JAKMIP2: variants seen among roughly 807,000 people sequenced by gnomAD.
JAKMIP2 encodes janus kinase and microtubule interacting protein 2.
Under a neutral mutation model 115.0 loss-of-function variants are expected in JAKMIP2, and 25 were observed. The ratio of observed to expected loss-of-function variants is 0.22; its 90% CI spans 0.16 to 0.30. JAKMIP2 has a LOEUF of 0.30. Ranked by LOEUF, JAKMIP2 falls within the 10% of genes least tolerant of loss-of-function variation. The pLI is 1.00. For synonymous variants in JAKMIP2, 334 were observed against 343.6 expected (o/e 0.97, Z 0.31); for missense variants, 642 against 957.6 (o/e 0.67, Z 4.35).
rs189836489 is a variant in JAKMIP2, at chr5:147,780,798, G to C, written c.-149+1658C>G. Among the ~76,000 whole-genome samples, 174 of 152,246 alleles carry C rather than the reference G, an allele frequency of 1.1e-3. 1 individual carries two copies. Among genetic ancestry groups the C allele is most frequent in the African/African-American group, 4.0e-3 (165 of 41,538 alleles). On this transcript the variant is annotated intron_variant, in intron 1 of 21. Coordinates refer to ENST00000616793, the MANE Select transcript of JAKMIP2 (RefSeq NM_001270941.2). ...AATGTGGGGGGTGTATGTAGAATCA[G>C]ATGCAAGACTAAAGACCCAAACAAT...
intron 1 of JAKMIP2, among the ~76,000 whole-genome samples, chr5:147,776,283 G>T (rs1052419011): frequency 6.6e-6 from 1 of 152,126 alleles, no homozygotes; most frequent in Non-Finnish European, 1.5e-5. Context: ...GGAGGTAATT[G>T]GACCTTGGGG....
chr5:147,719,837 A>G (rs1753187278), intron 1 of JAKMIP2, among the ~76,000 whole-genome samples: 1 of 152,002 alleles, frequency 6.6e-6, no homozygotes, highest in Admixed American at 6.5e-5. Context: ...TGGAGCATTT[A>G]GTCCATTTAC....
At chr5:147,739,435 A>G (rs1754057121) in intron 1 of JAKMIP2, among the ~76,000 whole-genome samples, 1 of 152,104 alleles carries the variant, frequency 6.6e-6, no homozygotes, top group Non-Finnish European at 1.5e-5. Flanking sequence ...CTTTATTCAT[A>G]AGAATCTAAG....
At chr5:147,683,180 T>C (rs964789098) in intron 1 of JAKMIP2, among the ~76,000 whole-genome samples, 1 of 152,098 alleles carries the variant, frequency 6.6e-6, no homozygotes, top group Admixed American at 6.6e-5. Context: ...TTGCTGTATA[T>C]GTGCACAGTT....
At chr5:147,608,964 A>AAAGTCGGTTTT (rs1756168625) in intron 20 of JAKMIP2, among the ~76,000 whole-genome samples, 1 of 150,520 alleles carries the variant, frequency 6.6e-6, no homozygotes, top group Non-Finnish European at 1.5e-5. Flanking sequence ...TTGTTGGTTT[A>AAAGTCGGTTTT]AAGTCGGTTT....
chr5:147,650,488 G>A lies in JAKMIP2; in HGVS notation c.687C>T (p.Thr229=). 1 of 1,613,802 alleles carries A rather than the reference G, an allele frequency of 6.2e-7. No homozygotes were observed. Among genetic ancestry groups the A allele is most frequent in the South Asian group, 1.1e-5 (1 of 91,058 alleles). ...GGAGTTTCTGTACATAGCCTGTCTG[G>A]GTCTCCAGTTCCTTTTCCAGGGAAA... ...IIFSLEKELE[T]QTGYVQKLQL... is the part of the protein sequence containing the mutation. Residue 229 remains threonine, a synonymous_variant, in exon 4 of 22, where the codon ACC becomes ACT. Coordinates refer to ENST00000616793, the MANE Select transcript of JAKMIP2 (RefSeq NM_001270941.2).
intron 1 of JAKMIP2, among the ~76,000 whole-genome samples, chr5:147,682,985 T>A (rs538826927): frequency 6.6e-6 from 1 of 152,314 alleles, no homozygotes; most frequent in African/African-American, 2.4e-5. Context: ...TCTTTAAGTG[T>A]CATATAGTCT....
intron 3 of JAKMIP2, among the ~76,000 whole-genome samples, chr5:147,658,058 G>C (rs1274828766): frequency 6.6e-6 from 1 of 152,032 alleles, no homozygotes; most frequent in East Asian, 1.9e-4. Flanking sequence ...CTGGACAGTT[G>C]TTGTGAACGT....
rs552794762 is a variant in JAKMIP2 at position 147,587,634 on chromosome 5, C to T, written c.*4073G>A. 11 of 152,186 alleles carry T rather than the reference C, an allele frequency of 7.2e-5. No individual in the cohort carries two copies. In the South Asian group the frequency reaches 8.3e-4, roughly 11 times the overall value. The allele number at this position is 152,186 out of a possible 1,614,324, so 9.4% of individuals were successfully genotyped here. ...CAAAAACCTAGGCAGGTTAAAAAGA[C>T]GTGCTTCATTTTGAAACAATGAACT... On this transcript the variant is annotated 3_prime_UTR_variant, in exon 22 of 22. Coordinates refer to ENST00000616793, the MANE Select transcript of JAKMIP2 (RefSeq NM_001270941.2).
At chr5:147,685,465 T>C (rs907227248) in intron 1 of JAKMIP2, among the ~76,000 whole-genome samples, 9 of 152,254 alleles carry the variant, frequency 5.9e-5, no homozygotes, top group South Asian at 2.1e-4. Flanking sequence ...AGAAGAAATA[T>C]AGATTGTGCA....
Position 147,644,166 on chromosome 5 carries a change from C to T in JAKMIP2, c.1116G>A (p.Lys372=), listed in dbSNP as rs2126726746. 6.3e-7 allele frequency: 1 copy of T among 1,599,184 alleles called. No homozygotes were observed. Among genetic ancestry groups the T allele is most frequent in the Non-Finnish European group, 8.6e-7 (1 of 1,169,446 alleles). The change falls in exon 7 of 22, where the codon AAG becomes AAA. Residue 372 remains lysine (K), a synonymous_variant. Transcript: ENST00000616793. ...REKITSHPPL[K]KLKSLNDLDQ... ...CGAGGTCATTCAGAGATTTTAATTT[C>T]TTCAGGGGTGGATGGGATGTTATTT... is the stretch of plus-strand genomic sequence containing the variant.
At chr5:147,669,825 G>GCT (rs1173510374) in intron 2 of JAKMIP2, among the ~76,000 whole-genome samples, 2 of 152,190 alleles carry the variant, frequency 1.3e-5, no homozygotes, top group African/African-American at 4.8e-5. Flanking sequence ...TGCCAGGGCT[G>GCT]CTTTACCGAA....
intron 1 of JAKMIP2, among the ~76,000 whole-genome samples, chr5:147,722,367 C>G (rs1191909562): frequency 6.6e-6 from 1 of 152,124 alleles, no homozygotes; most frequent in Non-Finnish European, 1.5e-5. Context: ...TTTTAACTCC[C>G]CTTCCCTACT....
intron 1 of JAKMIP2, among the ~76,000 whole-genome samples, chr5:147,729,422 G>A (rs1055601021): frequency 6.6e-6 from 1 of 152,138 alleles, no homozygotes; most frequent in African/African-American, 2.4e-5. Flanking sequence ...TAAGCCTTAT[G>A]TCTCTAAACC....
In JAKMIP2 at chr5:147,600,886, T is replaced by C. The variant is rs142810476; in HGVS notation, c.*20+855A>G. ...TCCTTTTTGTTTTCTATATTGACAT[T>C]GAAAAGTAACTTATTTGAAAACAAG... On this transcript the variant is annotated intron_variant, in intron 21 of 21. Coordinates refer to ENST00000616793, the MANE Select transcript of JAKMIP2 (RefSeq NM_001270941.2). Among the ~76,000 whole-genome samples, 681 of 152,272 alleles carry C rather than the reference T, an allele frequency of 4.5e-3. 2 individuals carry two copies. Among genetic ancestry groups the C allele is most frequent in the African/African-American group, 0.015 (630 of 41,556 alleles).
At chr5:147,592,637 T>C (rs1755153846) in intron 21 of JAKMIP2, among the ~76,000 whole-genome samples, 1 of 152,162 alleles carries the variant, frequency 6.6e-6, no homozygotes, top group South Asian at 2.1e-4. Flanking sequence ...ATAGAGAAAA[T>C]GGGATTTCTA....
chr5:147,746,772 CA>C (rs770915851), intron 1 of JAKMIP2, among the ~76,000 whole-genome samples: 24 of 152,096 alleles, frequency 1.6e-4, no homozygotes, highest in Non-Finnish European at 3.4e-4. Flanking sequence ...ATATATGTAA[CA>C]TTGGAAACAT....
At chr5:147,690,023 A>T (rs1395595569) in intron 1 of JAKMIP2, among the ~76,000 whole-genome samples, 2 of 152,174 alleles carry the variant, frequency 1.3e-5, no homozygotes, top group Non-Finnish European at 2.9e-5. Flanking sequence ...TGTCATAGTG[A>T]AAAATTAGAA....
intron 16 of JAKMIP2, among the ~76,000 whole-genome samples, chr5:147,628,216 T>A: frequency 6.6e-6 from 1 of 152,158 alleles, no homozygotes; most frequent in East Asian, 1.9e-4. Flanking sequence ...GTACTCTGAA[T>A]ACACCAATTT....
Sources: allele counts gnomAD v4.1 joint callset (sites outside exome capture counted in the v4.1 genomes callset), GRCh38; gene constraint gnomAD v4.1.1; transcripts MANE v1.5; gene names NCBI Gene and HGNC (gene_info 2026-07-23, HGNC 2026-07-21).